Variants in P2RY8 observed in about 807,000 individuals in gnomAD.
The protein encoded by P2RY8 is P2Y receptor family member 8.
In P2RY8, 6 loss-of-function variants were observed where a neutral mutation model predicts 10.0. The observed-to-expected ratio is 0.60, with a 90% CI of 0.33 to 1.19. P2RY8 has a LOEUF of 1.19. Ranked by LOEUF, P2RY8 falls within the 50% of genes most tolerant of loss-of-function variation. The pLI is 0.04. For missense variants in P2RY8, 456 were observed against 542.0 expected (o/e 0.84, Z 1.58); for synonymous variants, 276 against 252.5 (o/e 1.09, Z -0.88).
intron 1 of P2RY8, among the ~76,000 whole-genome samples, chrX:1,472,559 A>G: frequency 8.4e-6 from 1 of 119,280 alleles, no homozygotes; most frequent in African/African-American, 3.4e-5. Context: ...GGGTTTGTGA[A>G]TGGGTGGGTA....
intron 1 of P2RY8, among the ~76,000 whole-genome samples, chrX:1,505,987 CTTTTT>C (rs542485545): frequency 4.6e-5 from 5 of 108,832 alleles, no homozygotes; most frequent in Non-Finnish European, 8.9e-5. Flanking sequence ...TTTCTTTCTT[CTTTTT>C]TTTTTTTTTT....
rs186225795 is a variant in P2RY8, at chrX:1,502,162, C to T, written c.-25+34759G>A. Among the ~76,000 whole-genome samples, 1,284 of 152,196 alleles carry T rather than the reference C, an allele frequency of 8.4e-3. 13 individuals carry two copies. Among genetic ancestry groups the T allele is most frequent in the African/African-American group, 0.029 (1,211 of 41,526 alleles). ...CTGACCTCAGGTGATCCACCCACCT[C>T]GGCCTCTCAAAGTGCTGGGATGACA... On this transcript the variant is annotated intron_variant, in intron 1 of 1. Transcript: ENST00000381297.
intron 1 of P2RY8, among the ~76,000 whole-genome samples, chrX:1,467,266 G>A (rs2091699218): frequency 6.6e-6 from 1 of 152,022 alleles, no homozygotes; most frequent in Admixed American, 6.6e-5. Context: ...TCAACCCACG[G>A]CTCCTCCCTG....
At chrX:1,522,436 T>G (rs1450079604) in intron 1 of P2RY8, among the ~76,000 whole-genome samples, 1 of 152,158 alleles carries the variant, frequency 6.6e-6, no homozygotes, top group African/African-American at 2.4e-5. Flanking sequence ...AATGCAATCC[T>G]CAGATGACAA....
At chrX:1,534,570 C>T (rs1458450473) in intron 1 of P2RY8, among the ~76,000 whole-genome samples, 2 of 152,012 alleles carry the variant, frequency 1.3e-5, no homozygotes, top group African/African-American at 4.8e-5. Flanking sequence ...GACCCTGCCC[C>T]GCCCACCCCA....
chrX:1,483,189 G>A (rs2091955494), intron 1 of P2RY8, among the ~76,000 whole-genome samples: 1 of 152,156 alleles, frequency 6.6e-6, no homozygotes, highest in South Asian at 2.1e-4. Context: ...TTGTGATCTG[G>A]TGGATTCTGC....
At chrX:1,522,333 A>T (rs1379984596) in intron 1 of P2RY8, among the ~76,000 whole-genome samples, 24 of 151,826 alleles carry the variant, frequency 1.6e-4, no homozygotes, top group Non-Finnish European at 3.2e-4. Context: ...CCTCAGGGGG[A>T]TTTATTGCAT....
chrX:1,484,688 A>T (rs1274032579), intron 1 of P2RY8, among the ~76,000 whole-genome samples: 2 of 138,614 alleles, frequency 1.4e-5, no homozygotes, highest in East Asian at 4.7e-4. Flanking sequence ...AGATCACACC[A>T]CTGCACTCCA....
intron 1 of P2RY8, among the ~76,000 whole-genome samples, chrX:1,474,951 C>T (rs181576370): frequency 0.018 from 2,127 of 119,190 alleles, 18 homozygotes; most frequent in South Asian, 0.032. Context: ...GGTGGTTGGA[C>T]GTGTGGGTGG....
Position 1,495,499 on chromosome X carries a change from C to T in P2RY8, c.-24-28917G>A, listed in dbSNP as rs143460643. On this transcript the variant is annotated intron_variant, in intron 1 of 1. Coordinates refer to ENST00000381297, the MANE Select transcript of P2RY8 (RefSeq NM_178129.5). ...AGGGAGAAGACGGCATCTCCAAGCCCAGGAGAGAGGCCTCAGGAGGAACCA... is the reference window on the plus strand; with the variant it reads ...AGGGAGAAGACGGCATCTCCAAGCCTAGGAGAGAGGCCTCAGGAGGAACCA... 8.5e-3 allele frequency among the ~76,000 whole-genome samples: 1,279 copies of T among 150,724 alleles called. 11 individuals are homozygous for T. The highest frequency in any genetic ancestry group is 0.03 in the African/African-American group (1,209 of 40,778).
At chrX:1,527,812 T>G (rs1258094904) in intron 1 of P2RY8, among the ~76,000 whole-genome samples, 1 of 152,210 alleles carries the variant, frequency 6.6e-6, no homozygotes, top group African/African-American at 2.4e-5. Flanking sequence ...ACTCATTCAC[T>G]CATTCATTCA....
intron 1 of P2RY8, among the ~76,000 whole-genome samples, chrX:1,508,745 TC>T (rs2092259509): frequency 1.3e-5 from 2 of 149,314 alleles, no homozygotes; most frequent in Non-Finnish European, 3.0e-5. Flanking sequence ...TATCTATCTA[TC>T]TATCTATTTC....
rs776108766 is a variant in P2RY8, at chrX:1,472,499, G to T, written c.-24-5917C>A. The stretch of plus-strand genomic sequence containing the variant: ...GGGCAGATGGGTGGGTGGATGGATG[G>T]GTGGATGGGTGGGTGGGTGGGAGGG... On this transcript the variant is annotated intron_variant, in intron 1 of 1. Coordinates refer to ENST00000381297, the MANE Select transcript of P2RY8 (RefSeq NM_178129.5). 5.9e-3 allele frequency among the ~76,000 whole-genome samples: 765 copies of T among 129,776 alleles called. 4 individuals carry two copies. Among genetic ancestry groups the T allele is most frequent in the Non-Finnish European group, 9.9e-3 (590 of 59,716 alleles). 85.1% of individuals were successfully genotyped at this position (129,776 alleles called of 152,430 possible).
At chrX:1,493,771 A>G (rs1209162111) in intron 1 of P2RY8, among the ~76,000 whole-genome samples, 1 of 152,128 alleles carries the variant, frequency 6.6e-6, no homozygotes, top group African/African-American at 2.4e-5. Flanking sequence ...AATCTCCGTT[A>G]AAACGGACAA....
At chrX:1,521,542 G>A (rs1208926318) in intron 1 of P2RY8, among the ~76,000 whole-genome samples, 1 of 152,118 alleles carries the variant, frequency 6.6e-6, no homozygotes, top group Non-Finnish European at 1.5e-5. Flanking sequence ...TGTCACCCTG[G>A]CATCAGCAGG....
Position 1,464,993 on chromosome X carries a change from C to T in P2RY8, c.*486G>A. The T allele has an allele frequency of 4.0e-6, 1 of 247,410 alleles. No homozygotes were observed. The highest frequency in any genetic ancestry group is 7.9e-6 in the Non-Finnish European group (1 of 126,722). 15.3% of individuals were successfully genotyped at this position (247,410 alleles called of 1,614,324 possible). On this transcript the variant is annotated 3_prime_UTR_variant, in exon 2 of 2. Transcript: ENST00000381297. ...AACCACAACTAAGGGACGATGTCAG[C>T]AGGGAGAAGAGCTGGGAATGGGGCT...
intron 1 of P2RY8, among the ~76,000 whole-genome samples, chrX:1,467,208 G>A (rs1194562218): frequency 2.6e-5 from 4 of 152,064 alleles, no homozygotes; most frequent in Non-Finnish European, 5.9e-5. Flanking sequence ...CGAGTGCCAG[G>A]AGACCAACCC....
chrX:1,486,431 T>C lies in P2RY8; in HGVS notation c.-24-19849A>G, dbSNP rs1160826894. Among the ~76,000 whole-genome samples, 3 of 152,198 alleles carry C rather than the reference T, an allele frequency of 2.0e-5. No individual in the cohort carries two copies. In the East Asian group the frequency reaches 5.8e-4, roughly 29 times the overall value. On this transcript the variant is annotated intron_variant, in intron 1 of 1. Coordinates refer to ENST00000381297, the MANE Select transcript of P2RY8 (RefSeq NM_178129.5). ...CCGAGGCTACACTGTGGATGAACCT[T>C]GAAGACATCATGCTCAGGGAGAGAA...
chrX:1,475,035 A>G (rs190295818), intron 1 of P2RY8, among the ~76,000 whole-genome samples: 5,917 of 138,992 alleles, frequency 0.043, 381 homozygotes, highest in African/African-American at 0.15. Flanking sequence ...GGATGGGTAG[A>G]TGGATGGGTA....
Sources: allele counts gnomAD v4.1 joint callset (sites outside exome capture counted in the v4.1 genomes callset), GRCh38; gene constraint gnomAD v4.1.1; transcripts MANE v1.5; gene names NCBI Gene and HGNC (gene_info 2026-07-23, HGNC 2026-07-21).